FRK: variants seen among roughly 807,000 people sequenced by gnomAD.
FRK encodes fyn related Src family tyrosine kinase.
A neutral mutation model predicts 56.4 loss-of-function variants in FRK; 51 were observed. The ratio of observed to expected loss-of-function variants is 0.90; its 90% CI spans 0.72 to 1.14. The LOEUF is 1.14. Among genes scored for constraint, FRK ranks in the 50% most tolerant of loss-of-function variants. The probability of loss-of-function intolerance (pLI) is 0.00; values close to 1 mark genes in which losing one functional copy is unlikely to be tolerated. For missense variants in FRK, 570 were observed against 601.4 expected (o/e 0.95, Z 0.55); for synonymous variants, 245 against 217.9 (o/e 1.12, Z -1.10).
At chr6:116,044,253 G>A (rs963318922) in intron 1 of FRK, among the ~76,000 whole-genome samples, 1 of 152,196 alleles carries the variant, frequency 6.6e-6, no homozygotes, top group Non-Finnish European at 1.5e-5. Flanking sequence ...GCATCATCCT[G>A]TGACCAAACT....
intron 1 of FRK, among the ~76,000 whole-genome samples, chr6:116,033,559 C>T (rs1776369987): frequency 6.6e-6 from 1 of 151,936 alleles, no homozygotes; most frequent in South Asian, 2.1e-4. Context: ...CATTTTTCAA[C>T]TAGGTGTCTA....
intron 2 of FRK, among the ~76,000 whole-genome samples, chr6:115,993,889 T>C (rs187301579): frequency 2.6e-5 from 4 of 152,132 alleles, no homozygotes; most frequent in East Asian, 3.9e-4. Flanking sequence ...CATGCTGCTT[T>C]TTATGCTTAA....
the FRK span, chr6:116,100,720 C>G: frequency 2.8e-6 from 1 of 356,880 alleles, no homozygotes; most frequent in East Asian, 4.6e-5. Flanking sequence ...CCGGGCGGCG[C>G]AGGACGCCCG....
intron 1 of FRK, among the ~76,000 whole-genome samples, chr6:116,016,903 C>A (rs1775679115): frequency 6.6e-6 from 1 of 152,072 alleles, no homozygotes; most frequent in African/African-American, 2.4e-5. Context: ...CTGAACACAT[C>A]CACAGAGCAG....
At chr6:115,951,600 T>G (rs1221766403) in intron 5 of FRK, among the ~76,000 whole-genome samples, 1 of 152,186 alleles carries the variant, frequency 6.6e-6, no homozygotes, top group East Asian at 1.9e-4. Context: ...TTTGGAGAAA[T>G]GTATTACAAA....
At chr6:116,057,319 G>T (rs1282425798) in intron 1 of FRK, among the ~76,000 whole-genome samples, 1 of 152,110 alleles carries the variant, frequency 6.6e-6, no homozygotes, top group Non-Finnish European at 1.5e-5. Flanking sequence ...ACTCACTGAA[G>T]AAAAAATATT....
At chr6:115,968,845 T>G in intron 2 of FRK, 106 bp from the exon 3 acceptor site, 1 of 907,894 alleles carries the variant, frequency 1.1e-6, no homozygotes, top group Non-Finnish European at 1.7e-6. Context: ...CTATATAAAA[T>G]TATATGTGTT....
intron 1 of FRK, among the ~76,000 whole-genome samples, chr6:116,054,413 T>C (rs1218345394): frequency 3.4e-5 from 5 of 145,678 alleles, no homozygotes; most frequent in Admixed American, 1.4e-4. Context: ...TTTATAAATA[T>C]AGTATTATTT....
In FRK at chr6:115,934,204, G is replaced by A. The variant is rs1644790471; in HGVS notation, c.*8210C>T. ...GTTCTCCTTAATGAACACCTCTCCA[G>A]CATCTCATATTCTCTGCTTTTATTC... On this transcript the variant is annotated 3_prime_UTR_variant, in exon 8 of 8. Transcript: ENST00000606080. 1 of 152,100 alleles carries A rather than the reference G, an allele frequency of 6.6e-6. No individual in the cohort carries two copies. Among genetic ancestry groups the A allele is most frequent in the African/African-American group, 2.4e-5 (1 of 41,420 alleles). The allele number at this position is 152,100 out of a possible 1,614,324, so 9.4% of individuals were successfully genotyped here.
upstream of FRK, among the ~76,000 whole-genome samples, chr6:116,065,684 T>TCATAACCTATA (rs1290143470): frequency 2.0e-5 from 3 of 152,222 alleles, no homozygotes; most frequent in Non-Finnish European, 4.4e-5. Context: ...ATTTGTGCCC[T>TCATAACCTATA]CCCAGCATAA....
At chr6:116,051,024 T>C (rs1459232621) in intron 1 of FRK, among the ~76,000 whole-genome samples, 1 of 152,158 alleles carries the variant, frequency 6.6e-6, no homozygotes, top group Admixed American at 6.6e-5. Context: ...AAAATAGCAT[T>C]ACAATTACCT....
At chr6:116,085,949 T>C in the FRK span, among the ~76,000 whole-genome samples, 3 of 150,894 alleles carry the variant, frequency 2.0e-5, no homozygotes, top group African/African-American at 7.4e-5. Context: ...GACACTTCCA[T>C]TGTAAGCTGT....
intron 1 of FRK, among the ~76,000 whole-genome samples, chr6:116,015,932 A>C (rs988143726): frequency 6.6e-6 from 1 of 152,174 alleles, no homozygotes; most frequent in African/African-American, 2.4e-5. Flanking sequence ...TGGAACTTTT[A>C]TTTATCAGGG....
chr6:116,031,055 A>G (rs564536375), intron 1 of FRK, among the ~76,000 whole-genome samples: 37 of 152,282 alleles, frequency 2.4e-4, no homozygotes, highest in African/African-American at 8.7e-4. Context: ...CGTGCAAAAC[A>G]TGGAAAAATC....
the FRK span, among the ~76,000 whole-genome samples, chr6:116,066,374 T>C: frequency 6.6e-6 from 1 of 152,070 alleles, no homozygotes; most frequent in Non-Finnish European, 1.5e-5. Flanking sequence ...AGGCAGCCTA[T>C]TGTGGGAACT....
chr6:115,982,258 C>T (rs1261124394), intron 2 of FRK, among the ~76,000 whole-genome samples: 1 of 152,110 alleles, frequency 6.6e-6, no homozygotes, highest in African/African-American at 2.4e-5. Context: ...TTCTAAGACT[C>T]ATACCATTAG....
chr6:115,959,889 G>A (rs1773255760), intron 4 of FRK, among the ~76,000 whole-genome samples: 1 of 152,134 alleles, frequency 6.6e-6, no homozygotes, highest in Non-Finnish European at 1.5e-5. Context: ...TGTTACACCA[G>A]AGGATCCCAG....
At chr6:115,972,017 C>T (rs1282798972) in intron 2 of FRK, among the ~76,000 whole-genome samples, 1 of 152,200 alleles carries the variant, frequency 6.6e-6, no homozygotes, top group East Asian at 1.9e-4. Flanking sequence ...CATGCAGGCC[C>T]TTTGGGGCTT....
intron 1 of FRK, among the ~76,000 whole-genome samples, chr6:116,005,782 A>C (rs1250088316): frequency 6.6e-6 from 1 of 152,200 alleles, no homozygotes; most frequent in East Asian, 1.9e-4. Context: ...CTGATACCTA[A>C]ATATACAAAT....
Sources: gnomAD v4.1 joint callset for allele counts (sites outside exome capture counted in the v4.1 genomes callset) on GRCh38, gnomAD v4.1.1 for gene constraint, MANE v1.5 for transcripts, NCBI Gene and HGNC (gene_info 2026-07-23, HGNC 2026-07-21) for gene names.